PEX13: variants seen among roughly 807,000 people sequenced by gnomAD.
PEX13 encodes the protein peroxisomal biogenesis factor 13.
In PEX13, 28 loss-of-function variants were observed where a neutral mutation model predicts 34.5. The ratio of observed to expected loss-of-function variants is 0.81; its 90% CI spans 0.60 to 1.11. The LOEUF (loss-of-function observed/expected upper bound fraction) is 1.11. Ranked by LOEUF, PEX13 falls within the 50% of genes most tolerant of loss-of-function variation. PEX13 has a pLI of 0.00. For missense variants in PEX13, 550 were observed against 491.0 expected, an observed-to-expected ratio of 1.12 and a Z score of -1.13; for synonymous variants, 177 against 175.1, an observed-to-expected ratio of 1.01 and a Z score of -0.09.
At chr2:61,048,324 C>A in intron 3 of PEX13, 148 bp from the exon 4 acceptor site, 1 of 684,308 alleles carries the variant, frequency 1.5e-6, no homozygotes, top group Non-Finnish European at 2.6e-6. Context: ...GCCTACTCAG[C>A]ATTTGATTTT....
intron 1 of PEX13, among the ~76,000 whole-genome samples, chr2:61,027,900 A>G (rs768387806): frequency 2.0e-5 from 3 of 152,196 alleles, no homozygotes; most frequent in Non-Finnish European, 4.4e-5. Flanking sequence ...CAGATCCAAT[A>G]AAAGAAAAAA....
chr2:61,041,960 T>A (rs1297315960), intron 2 of PEX13, among the ~76,000 whole-genome samples: 1 of 152,196 alleles, frequency 6.6e-6, no homozygotes. Flanking sequence ...TACAAAGAGA[T>A]TTTTGAGGAG....
chr2:61,031,790 A>G lies in PEX13; in HGVS notation c.464A>G (p.Tyr155Cys), dbSNP rs1298522041. 14 of 1,613,436 alleles carry G rather than the reference A, an allele frequency of 8.7e-6. No individual in the cohort carries two copies. The East Asian group carries it at 1.1e-4, about 13-fold the overall frequency. ...MMMDATFSAV[Y>C]NSFRAVLDVA... Reference sequence around the variant, plus strand: ...ATGGATGCTACCTTTTCAGCTGTCTATAACAGTTTCAGGGCTGTATTGGAT... The same window carrying G: ...ATGGATGCTACCTTTTCAGCTGTCTGTAACAGTTTCAGGGCTGTATTGGAT... Residue 155 changes from tyrosine to cysteine, a missense_variant, in exon 2 of 4, where the codon TAT (tyrosine) becomes TGT (cysteine). By Grantham distance (194) the Tyr-to-Cys change is radical. Coordinates refer to ENST00000295030, the MANE Select transcript of PEX13 (RefSeq NM_002618.4).
intron 2 of PEX13, among the ~76,000 whole-genome samples, chr2:61,043,310 C>T (rs979440527): frequency 3.0e-5 from 4 of 135,348 alleles, no homozygotes; most frequent in Non-Finnish European, 4.6e-5. Flanking sequence ...TCCTGGCTAA[C>T]GTGGTGAAAC....
chr2:61,044,186 G>A (rs1680669202), intron 2 of PEX13, among the ~76,000 whole-genome samples: 1 of 152,110 alleles, frequency 6.6e-6, no homozygotes, highest in African/African-American at 2.4e-5. Context: ...CTGGCCTCAA[G>A]CAATCCTGCC....
At chr2:61,028,621 A>C (rs1680398908) in intron 1 of PEX13, among the ~76,000 whole-genome samples, 1 of 151,732 alleles carries the variant, frequency 6.6e-6, no homozygotes, top group African/African-American at 2.4e-5. Flanking sequence ...TCCTAACCTG[A>C]GGGGACCCGC....
intron 1 of PEX13, 117 bp downstream of exon 1, chr2:61,017,968 A>C: frequency 2.3e-6 from 3 of 1,330,664 alleles, no homozygotes; most frequent in South Asian, 2.7e-5. Flanking sequence ...CCAATACCCA[A>C]CCTTGGGGAT....
At chr2:61,043,973 A>G (rs1680666116) in intron 2 of PEX13, among the ~76,000 whole-genome samples, 1 of 152,158 alleles carries the variant, frequency 6.6e-6, no homozygotes, top group South Asian at 2.1e-4. Flanking sequence ...TTTTGGAGAC[A>G]GGGTCTTGCT....
At chr2:61,034,987 G>A (rs113730055) in intron 2 of PEX13, among the ~76,000 whole-genome samples, 43 of 152,316 alleles carry the variant, frequency 2.8e-4, no homozygotes, top group African/African-American at 9.4e-4. Flanking sequence ...CACAGTGTGC[G>A]AGCTCCAAGA....
At chr2:61,038,643 A>G (rs562785744) in intron 2 of PEX13, among the ~76,000 whole-genome samples, 35 of 152,222 alleles carry the variant, frequency 2.3e-4, no homozygotes, top group Non-Finnish European at 4.7e-4. Context: ...ATCCACACCT[A>G]ATATCATACT....
At position 61,032,032 on chromosome 2, in the gene PEX13, A is replaced by G. The variant is rs1292217685; in HGVS notation, c.706A>G (p.Ile236Val). 6.8e-6 allele frequency: 11 copies of G among 1,613,760 alleles called. No homozygotes were observed. Among genetic ancestry groups the G allele is most frequent in the Non-Finnish European group, 9.3e-6 (11 of 1,179,818 alleles). ...AGCTACCTCAGCAAAATCTTGGCCA[A>G]TATTCTTGTTCTTTGCTGTTATCCT... ...RAATSAKSWP[I>V]FLFFAVILGG... Residue 236 changes from isoleucine to valine, a missense_variant, in exon 2 of 4, where the codon ATA becomes GTA. Coordinates refer to ENST00000295030, the MANE Select transcript of PEX13 (RefSeq NM_002618.4).
At chr2:61,036,939 A>G (rs1052704028) in intron 2 of PEX13, among the ~76,000 whole-genome samples, 1 of 152,118 alleles carries the variant, frequency 6.6e-6, no homozygotes, top group Non-Finnish European at 1.5e-5. Context: ...AGGAAGATCT[A>G]CCAAGCAAAT....
At chr2:61,047,397 G>A (rs1227610254) in intron 3 of PEX13, among the ~76,000 whole-genome samples, 3 of 152,054 alleles carry the variant, frequency 2.0e-5, no homozygotes, top group Admixed American at 6.6e-5. Flanking sequence ...CTTGTGATCC[G>A]CCCGACTTGG....
At chr2:61,041,804 G>A (rs1488694376) in intron 2 of PEX13, among the ~76,000 whole-genome samples, 1 of 152,168 alleles carries the variant, frequency 6.6e-6, no homozygotes, top group African/African-American at 2.4e-5. Flanking sequence ...TAGAGAAGGA[G>A]CAGTTATAAA....
chr2:61,035,478 A>T (rs555587983), intron 2 of PEX13, among the ~76,000 whole-genome samples: 1 of 152,212 alleles, frequency 6.6e-6, no homozygotes, highest in Non-Finnish European at 1.5e-5. Flanking sequence ...GAGTTTGACA[A>T]GTTGACAGAA....
At position 61,048,860 on chromosome 2, in the gene PEX13, A is replaced by G. The variant is rs535967834; in HGVS notation, c.*90A>G. The G allele has an allele frequency of 1.3e-4, 140 of 1,108,584 alleles. No individual in the cohort carries two copies. Among genetic ancestry groups the G allele is most frequent in the African/African-American group, 7.6e-4 (49 of 64,448 alleles). 68.7% of individuals were successfully genotyped at this position (1,108,584 alleles called of 1,614,324 possible). The stretch of plus-strand genomic sequence containing the variant: ...AAGAAATGAATGTACAATCCAATGA[A>G]AACATTTGTTATTGGCTATTTCAGG... On this transcript the variant is annotated 3_prime_UTR_variant, in exon 4 of 4. Coordinates refer to ENST00000295030, the MANE Select transcript of PEX13 (RefSeq NM_002618.4).
Position 61,029,377 on chromosome 2 carries a change from A to G in PEX13, c.93-2042A>G, listed in dbSNP as rs188126221. On this transcript the variant is annotated intron_variant, in intron 1 of 3. Transcript: ENST00000295030. ...GGATGTGGAGAAATTGGAAATCCTC[A>G]TACATTGGCGAGAATGTAAAATGGT... is the stretch of plus-strand genomic sequence containing the variant. Among the ~76,000 whole-genome samples, 23 of 152,300 alleles carry G rather than the reference A, an allele frequency of 1.5e-4. No individual in the cohort carries two copies. The East Asian group carries it at 4.4e-3, about 29-fold the overall frequency.
intron 1 of PEX13, among the ~76,000 whole-genome samples, chr2:61,028,906 A>G (rs1164584667): frequency 6.6e-6 from 1 of 152,188 alleles, no homozygotes; most frequent in African/African-American, 2.4e-5. Flanking sequence ...GGCTAAGCCA[A>G]GTACAATGGC....
At chr2:61,028,124 C>A (rs911619659) in intron 1 of PEX13, among the ~76,000 whole-genome samples, 4 of 152,136 alleles carry the variant, frequency 2.6e-5, no homozygotes, top group African/African-American at 9.7e-5. Flanking sequence ...ATACTAATTA[C>A]AAAGGGAAAG....
Sources: gnomAD v4.1 joint callset for allele counts (sites outside exome capture counted in the v4.1 genomes callset) on GRCh38, gnomAD v4.1.1 for gene constraint, MANE v1.5 for transcripts, NCBI Gene and HGNC (gene_info 2026-07-23, HGNC 2026-07-21) for gene names.